The following NR6A1 variants were observed in gnomAD, a reference collection of about 807,000 sequenced individuals.
NR6A1 encodes the protein nuclear receptor subfamily 6 group A member 1, also known as retinoic acid receptor-related testis-associated receptor.
Under a neutral mutation model 59.1 loss-of-function variants are expected in NR6A1, and 7 were observed. The observed-to-expected ratio is 0.12, with a 90% confidence interval of 0.07 to 0.22. NR6A1 has a LOEUF of 0.22. NR6A1 is among the 10% of genes least tolerant of loss of function. The pLI, the probability that NR6A1 is intolerant of heterozygous loss-of-function variation, is 1.00. For synonymous variants in NR6A1, 243 were observed against 236.1 expected, an observed-to-expected ratio of 1.03 and a Z score of -0.27; for missense variants, 468 against 611.6, an observed-to-expected ratio of 0.77 and a Z score of 2.48.
chr9:124,640,116 T>C (rs901264651), intron 2 of NR6A1, among the ~76,000 whole-genome samples: 2 of 152,236 alleles, frequency 1.3e-5, no homozygotes, highest in African/African-American at 4.8e-5. Context: ...CCTAGGGTCC[T>C]GCAGAACACA....
chr9:124,602,650 C>T (rs1477224609), intron 2 of NR6A1, among the ~76,000 whole-genome samples: 1 of 152,158 alleles, frequency 6.6e-6, no homozygotes, highest in Non-Finnish European at 1.5e-5. Flanking sequence ...TCTACCTGAC[C>T]TAGAGACAAC....
In NR6A1 at chr9:124,714,622, T is replaced by A. The variant is rs139324500; in HGVS notation, c.142+18686A>T. The stretch of plus-strand genomic sequence containing the variant: ...AGTAAACTCTCTTTATTCACAGATG[T>A]ACACATAAAAAGTCCCAAGAAATTT... On this transcript the variant is annotated intron_variant, in intron 2 of 9. Transcript: ENST00000487099. Among the ~76,000 whole-genome samples the A allele has an allele frequency of 2.6e-5, 4 of 152,306 alleles. No individual in the cohort carries two copies. The East Asian group carries it at 7.7e-4, about 29-fold the overall frequency.
intron 2 of NR6A1, among the ~76,000 whole-genome samples, chr9:124,625,153 G>A (rs1034915619): frequency 1.5e-4 from 23 of 152,156 alleles, no homozygotes. Flanking sequence ...TAGGACCTGG[G>A]CAAGTTGTAG....
chr9:124,608,181 T>C (rs1282883523), intron 2 of NR6A1, among the ~76,000 whole-genome samples: 3 of 152,226 alleles, frequency 2.0e-5, no homozygotes, highest in Admixed American at 1.3e-4. Flanking sequence ...TCAGGGTACA[T>C]GTGCAGGTTT....
rs759556363 is a variant in NR6A1, at chr9:124,554,552, C to T, written c.161G>A (p.Arg54Gln). The T allele has an allele frequency of 1.9e-6, 3 of 1,614,128 alleles. No homozygotes were observed. Among genetic ancestry groups the T allele is most frequent in the South Asian group, 2.2e-5 (2 of 91,074 alleles). ...AATGAGACAGGTTCGTTGTTCAGCCCGATCATCTGAAACAGAAACTGATCA... is the reference window on the plus strand; with the variant it reads ...AATGAGACAGGTTCGTTGTTCAGCCTGATCATCTGAAACAGAAACTGATCA... ...DPGTISVSDD[R>Q]AEQRTCLICG... The change falls in exon 3 of 10, where the codon CGG (arginine) becomes CAG (glutamine). Residue 54 changes from arginine (R) to glutamine (Q), a missense_variant. Arg to Gln is a conservative substitution (Grantham distance 43). This residue lies in a region of NR6A1 where 66 missense variants were observed against 139.2 expected (regional missense o/e 0.47). Coordinates refer to ENST00000487099, the MANE Select transcript of NR6A1 (RefSeq NM_033334.4).
chr9:124,567,057 G>A (rs1178374915), intron 2 of NR6A1, among the ~76,000 whole-genome samples: 2 of 150,698 alleles, frequency 1.3e-5, no homozygotes, highest in Admixed American at 1.3e-4. Flanking sequence ...GCAGTGAGCC[G>A]AGATCCCGCC....
intron 2 of NR6A1, among the ~76,000 whole-genome samples, chr9:124,682,960 T>G (rs908401560): frequency 3.9e-5 from 6 of 151,954 alleles, no homozygotes; most frequent in Non-Finnish European, 7.4e-5. Flanking sequence ...AATCCCAGCA[T>G]TCTGGGAAGC....
intron 2 of NR6A1, among the ~76,000 whole-genome samples, chr9:124,715,367 T>A (rs1411969328): frequency 2.0e-5 from 3 of 151,494 alleles, no homozygotes; most frequent in African/African-American, 7.3e-5. Context: ...TACAAAAATA[T>A]ATATATATTT....
chr9:124,760,185 ACCTGTAATC>A (rs1337545579), intron 1 of NR6A1, among the ~76,000 whole-genome samples: 2 of 151,878 alleles, frequency 1.3e-5, no homozygotes, highest in African/African-American at 2.4e-5. Flanking sequence ...GGTGGCGGGC[ACCTGTAATC>A]CCAGCTGCTC....
At chr9:124,693,786 T>C in intron 2 of NR6A1, 1 of 534,422 alleles carries the variant, frequency 1.9e-6, no homozygotes. Flanking sequence ...GAATGCAAAC[T>C]GCGGACCAAA....
chr9:124,771,293 G>C lies in NR6A1; in HGVS notation c.-174C>G, dbSNP rs936002331. The stretch of plus-strand genomic sequence containing the variant: ...TCCGCGCCGCTCCGCGCCCCTCCGC[G>C]CCGCGCCCCCTCAGCACTGGCCAGC... On this transcript the variant is annotated 5_prime_UTR_variant, in exon 1 of 10. Coordinates refer to ENST00000487099, the MANE Select transcript of NR6A1 (RefSeq NM_033334.4). The C allele has an allele frequency of 2.0e-5, 8 of 391,610 alleles. No homozygotes were observed. The highest frequency in any genetic ancestry group is 3.6e-5 in the Non-Finnish European group (8 of 222,732). The allele number at this position is 391,610 out of a possible 1,614,324, so 24.3% of individuals were successfully genotyped here.
chr9:124,574,056 G>A (rs1588678148), intron 2 of NR6A1, among the ~76,000 whole-genome samples: 1 of 152,164 alleles, frequency 6.6e-6, no homozygotes. Flanking sequence ...TATTTGTACT[G>A]ACACTGGAAT....
chr9:124,549,619 A>C (rs749450134), intron 3 of NR6A1, among the ~76,000 whole-genome samples: 9 of 152,252 alleles, frequency 5.9e-5, no homozygotes, highest in Non-Finnish European at 1.0e-4. Context: ...ATGGAGAACA[A>C]CAGAGAGCTG....
chr9:124,717,068 T>C (rs1235190631), intron 2 of NR6A1, among the ~76,000 whole-genome samples: 1 of 152,224 alleles, frequency 6.6e-6, no homozygotes, highest in African/African-American at 2.4e-5. Flanking sequence ...CCTATTACAA[T>C]GCTCACTAGA....
chr9:124,573,510 T>C (rs1173516824), intron 2 of NR6A1, among the ~76,000 whole-genome samples: 1 of 152,204 alleles, frequency 6.6e-6, no homozygotes, highest in East Asian at 1.9e-4. Flanking sequence ...GACAACAACA[T>C]GGTCCCCTAA....
rs543749619 is a variant in NR6A1, at chr9:124,626,820, G to A, written c.143-72250C>T. Among the ~76,000 whole-genome samples, 90 of 152,258 alleles carry A rather than the reference G, an allele frequency of 5.9e-4. 1 individual carries two copies. The South Asian group carries it at 0.018, about 31-fold the overall frequency. On this transcript the variant is annotated intron_variant, in intron 2 of 9. Transcript: ENST00000487099. ...GTAGGGGCACACGCCTGTAATCCCA[G>A]CTACTCAGGAGGCTGAGGCAGGAGA...
At chr9:124,696,400 G>C (rs1838762601) in intron 2 of NR6A1, among the ~76,000 whole-genome samples, 1 of 152,028 alleles carries the variant, frequency 6.6e-6, no homozygotes, top group African/African-American at 2.4e-5. Flanking sequence ...AAGCCTACTG[G>C]CTGACCCCCT....
At chr9:124,736,914 A>G (rs927264119) in intron 1 of NR6A1, among the ~76,000 whole-genome samples, 8 of 152,192 alleles carry the variant, frequency 5.3e-5, no homozygotes, top group Non-Finnish European at 1.2e-4. Flanking sequence ...TAAGACCTCT[A>G]TATATGTAAG....
chr9:124,692,669 T>G (rs1838595817), intron 2 of NR6A1: 1 of 268,962 alleles, frequency 3.7e-6, no homozygotes. Context: ...TTATTCCTAC[T>G]GCTCACTGTT....
Sources: allele counts gnomAD v4.1 joint callset (sites outside exome capture counted in the v4.1 genomes callset), GRCh38; gene constraint gnomAD v4.1.1; regional missense constraint gnomAD v4.1.1; transcripts MANE v1.5; gene names NCBI Gene and HGNC (gene_info 2026-07-23, HGNC 2026-07-21).